The following FMO2 variants were observed in gnomAD, a reference collection of about 807,000 sequenced individuals.
The protein encoded by FMO2 is flavin-containing monooxygenase 2.
FMO2 carries 33 observed loss-of-function variants against 41.6 expected under a neutral mutation model. The ratio of observed to expected loss-of-function variants is 0.79; its 90% CI spans 0.60 to 1.06. The LOEUF (loss-of-function observed/expected upper bound fraction) is 1.06. Ranked by LOEUF, FMO2 falls within the 50% of genes least tolerant of loss-of-function variation. The pLI is 0.00. For missense variants in FMO2, 619 were observed against 632.9 expected (o/e 0.98, Z 0.23); for synonymous variants, 214 against 219.6 (o/e 0.97, Z 0.23).
In FMO2 at chr1:171,205,587, T is replaced by C; in HGVS notation, c.1136T>C (p.Phe379Ser). ...CTCATCCAGCCCCTAGGTTCCATTTTCCCAACTGCTGAACTTCAAGCTCGT... is the reference window on the plus strand; with the variant it reads ...CTCATCCAGCCCCTAGGTTCCATTTCCCCAACTGCTGAACTTCAAGCTCGT... ...IGLIQPLGSI[F>S]PTAELQARWV... The change falls in exon 7 of 9, where the codon TTC becomes TCC. Residue 379 changes from phenylalanine to serine, a missense_variant. Phe to Ser is a radical substitution (Grantham distance 155, BLOSUM62 -2). Coordinates refer to ENST00000209929, the MANE Select transcript of FMO2 (RefSeq NM_001460.5). 1.2e-6 allele frequency: 2 copies of C among 1,613,168 alleles called. No individual in the cohort carries two copies. The highest frequency in any genetic ancestry group is 1.7e-4 in the Middle Eastern group (1 of 6,048).
chr1:171,203,323 TCACACACACACACACACA>T (rs10628039), intron 5 of FMO2, among the ~76,000 whole-genome samples: 3 of 143,960 alleles, frequency 2.1e-5, no homozygotes, highest in African/African-American at 7.9e-5. Context: ...AGACCCTGTC[TCACACACACACACACACA>T]CACACACACA....
At chr1:171,189,213 T>G (rs970038111) in intron 2 of FMO2, among the ~76,000 whole-genome samples, 2 of 65,674 alleles carry the variant, frequency 3.0e-5, no homozygotes, top group African/African-American at 1.7e-4. Flanking sequence ...ACCATGTACA[T>G]TTTTTTTCCT....
chr1:171,193,200 C>T lies in FMO2; in HGVS notation c.133-135C>T, dbSNP rs546104320. On this transcript the variant is annotated intron_variant, in intron 2 of 8. Coordinates refer to ENST00000209929, the MANE Select transcript of FMO2 (RefSeq NM_001460.5). ...ATTGATGGAACACATAGACTGCATT[C>T]ATTACCTAAACATTGTCGTCACACT... 35 of 619,448 alleles carry T rather than the reference C, an allele frequency of 5.7e-5. 1 individual carries two copies. The South Asian group carries it at 6.4e-4, about 11-fold the overall frequency. The allele number at this position is 619,448 out of a possible 1,614,324, so 38.4% of individuals were successfully genotyped here. A position where few individuals can be genotyped will look rare whatever the true frequency, so the allele number is the denominator to read the frequency against.
At chr1:171,197,358 T>C (rs1187975213) in intron 4 of FMO2, among the ~76,000 whole-genome samples, 1 of 152,144 alleles carries the variant, frequency 6.6e-6, no homozygotes, top group Non-Finnish European at 1.5e-5. Flanking sequence ...CATATTAGAA[T>C]CACCTGGGGA....
chr1:171,205,404 TGGA>T lies in FMO2; in HGVS notation c.958_960del (p.Glu320del), dbSNP rs1172533172. On this transcript the variant is annotated inframe_deletion, in exon 7 of 9. Coordinates refer to ENST00000209929, the MANE Select transcript of FMO2 (RefSeq NM_001460.5). ...TCTGCCATCTTTGAGGATGGAACAG[TGGA>T]GGAGAACATTGATGTCATCATTTTT... is the stretch of plus-strand genomic sequence containing the variant. The T allele has an allele frequency of 1.9e-6, 3 of 1,613,852 alleles. No individual in the cohort carries two copies. Among genetic ancestry groups the T allele is most frequent in the East Asian group, 2.2e-5 (1 of 44,862 alleles).
intron 8 of FMO2, among the ~76,000 whole-genome samples, 176 bp from the exon 9 acceptor site, chr1:171,208,618 T>G (rs1658857756): frequency 6.6e-6 from 1 of 152,198 alleles, no homozygotes; most frequent in Non-Finnish European, 1.5e-5. Flanking sequence ...GGGCGTATTC[T>G]CAATCTGAGA....
At chr1:171,199,567 C>A in intron 5 of FMO2, 79 bp downstream of exon 5, 2 of 1,386,680 alleles carry the variant, frequency 1.4e-6, no homozygotes, top group South Asian at 1.5e-5. Flanking sequence ...GCCATATAAT[C>A]GCGGCTCCAA....
intron 2 of FMO2, among the ~76,000 whole-genome samples, chr1:171,192,765 CAAAA>C (rs71561558): frequency 0.1 from 11,661 of 111,090 alleles, 597 homozygotes; most frequent in African/African-American, 0.24. Flanking sequence ...GACTCTGTCT[CAAAA>C]AAAAAAAAAA....
chr1:171,201,318 T>C (rs1387838365), intron 5 of FMO2, among the ~76,000 whole-genome samples: 1 of 152,186 alleles, frequency 6.6e-6, no homozygotes, highest in Non-Finnish European at 1.5e-5. Context: ...AAATATAATG[T>C]TATAATCATA....
chr1:171,186,795 C>T (rs1657873009), intron 2 of FMO2, among the ~76,000 whole-genome samples: 1 of 152,138 alleles, frequency 6.6e-6, no homozygotes, highest in Admixed American at 6.5e-5. Flanking sequence ...ACAATTATTC[C>T]TTCCCACAAC....
chr1:171,196,609 G>C, intron 3 of FMO2, 40 bp from the exon 4 acceptor site: 1 of 1,591,770 alleles, frequency 6.3e-7, no homozygotes, highest in Non-Finnish European at 8.6e-7. Context: ...ATGTTATCCT[G>C]GAGTAATTCT....
chr1:171,200,616 T>TTA (rs1371568828), intron 5 of FMO2, among the ~76,000 whole-genome samples: 7 of 152,116 alleles, frequency 4.6e-5, no homozygotes, highest in African/African-American at 1.7e-4. Flanking sequence ...AATGAAGGGG[T>TTA]TATACTGGGA....
chr1:171,188,335 C>T (rs1042323356), intron 2 of FMO2, among the ~76,000 whole-genome samples: 10 of 152,254 alleles, frequency 6.6e-5, no homozygotes, highest in African/African-American at 2.4e-4. Flanking sequence ...AGATAACTTC[C>T]TATTCACTAG....
chr1:171,202,327 G>A (rs1362976967), intron 5 of FMO2, among the ~76,000 whole-genome samples: 1 of 152,122 alleles, frequency 6.6e-6, no homozygotes, highest in African/African-American at 2.4e-5. Context: ...GCCTATAAGG[G>A]CAACGGCAGG....
chr1:171,198,229 C>T (rs1395756932), intron 4 of FMO2, among the ~76,000 whole-genome samples: 1 of 150,744 alleles, frequency 6.6e-6, no homozygotes, highest in Non-Finnish European at 1.5e-5. Context: ...CTGTGATTAA[C>T]CACCAGCAAG....
Position 171,203,946 on chromosome 1 carries a change from A to G in FMO2, c.709A>G (p.Thr237Ala), listed in dbSNP as rs1269413480. 2 of 1,613,738 alleles carry G rather than the reference A, an allele frequency of 1.2e-6. No individual in the cohort carries two copies. The highest frequency in any genetic ancestry group is 1.7e-6 in the Non-Finnish European group (2 of 1,179,784). ...DGYPWDSVFHTRFRSMLRNVL... is the reference protein window; with the variant it reads ...DGYPWDSVFHARFRSMLRNVL... ...CTATCCTTGGGACTCAGTGTTCCAC[A>G]CCCGGTTTCGTTCTATGCTCCGCAA... The change falls in exon 6 of 9, where the codon ACC (threonine) becomes GCC (alanine). Residue 237 changes from threonine to alanine, a missense_variant. By Grantham distance (58) the Thr-to-Ala change is moderately conservative. Transcript: ENST00000209929.
chr1:171,209,683 C>G lies in FMO2; in HGVS notation c.*538C>G, dbSNP rs539438119. On this transcript the variant is annotated 3_prime_UTR_variant, in exon 9 of 9. Transcript: ENST00000209929. ...ATAGATTTAGAAAACATCAGTGATG[C>G]TCAGATAAACTTTTAGGACCTCATA... The G allele has an allele frequency of 6.6e-6, 1 of 152,130 alleles. No individual in the cohort carries two copies. Among genetic ancestry groups the G allele is most frequent in the South Asian group, 2.1e-4 (1 of 4,834 alleles). 9.4% of individuals were successfully genotyped at this position (152,130 alleles called of 1,614,324 possible).
chr1:171,186,541 G>A (rs1177861330), intron 2 of FMO2, among the ~76,000 whole-genome samples: 3 of 152,056 alleles, frequency 2.0e-5, no homozygotes, highest in Non-Finnish European at 2.9e-5. Context: ...AGCAAAGGGG[G>A]AAAAGCCCCT....
At chr1:171,202,898 C>A (rs953120191) in intron 5 of FMO2, among the ~76,000 whole-genome samples, 3 of 152,038 alleles carry the variant, frequency 2.0e-5, no homozygotes, top group African/African-American at 7.2e-5. Flanking sequence ...TAACAGCAAA[C>A]ACAGCAAAAT....
Sources: allele counts gnomAD v4.1 joint callset (sites outside exome capture counted in the v4.1 genomes callset), GRCh38; gene constraint gnomAD v4.1.1; transcripts MANE v1.5; gene names NCBI Gene and HGNC (gene_info 2026-07-23, HGNC 2026-07-21).